COMMD1: variants seen among roughly 807,000 people sequenced by gnomAD.
COMMD1 encodes the protein copper metabolism domain containing 1, also known as COMM domain-containing protein 1.
COMMD1 carries 10 observed loss-of-function variants against 17.2 expected under a neutral mutation model. The ratio of observed to expected loss-of-function variants is 0.58; its 90% CI spans 0.36 to 0.99. The LOEUF is 0.99. Ranked by LOEUF, COMMD1 falls within the 50% of genes least tolerant of loss-of-function variation. The pLI is 0.01. For synonymous variants in COMMD1, 97 were observed against 91.6 expected, an observed-to-expected ratio of 1.06 and a Z score of -0.34; for missense variants, 270 against 231.8, an observed-to-expected ratio of 1.17 and a Z score of -1.07.
At chr2:62,022,367 T>C (rs2103857890) in intron 2 of COMMD1, among the ~76,000 whole-genome samples, 1 of 151,766 alleles carries the variant, frequency 6.6e-6, no homozygotes, top group South Asian at 2.1e-4. Flanking sequence ...CTTTTGAATT[T>C]TGATTATAAA....
At chr2:62,057,102 C>G (rs1429569671) in intron 2 of COMMD1, among the ~76,000 whole-genome samples, 1 of 152,088 alleles carries the variant, frequency 6.6e-6, no homozygotes, top group East Asian at 1.9e-4. Context: ...ATGGGACCAT[C>G]TAGTTGCAGG....
chr2:62,037,990 TAAA>T lies in COMMD1; in HGVS notation c.462+37011_462+37013del, dbSNP rs369562943. On this transcript the variant is annotated intron_variant, in intron 2 of 2. Coordinates refer to ENST00000311832, the MANE Select transcript of COMMD1 (RefSeq NM_152516.4). ...CAGAGTTGTCCTTGGATAGTGGTCTTAAAAACTGGTGAATCAGTCTGGGCATGG... is the reference window on the plus strand; with the variant it reads ...CAGAGTTGTCCTTGGATAGTGGTCTTAACTGGTGAATCAGTCTGGGCATGG... Among the ~76,000 whole-genome samples the T allele has an allele frequency of 1.4e-4, 21 of 152,226 alleles. No homozygotes were observed. The East Asian group carries it at 4.1e-3, about 29-fold the overall frequency.
At chr2:61,890,208 GTTGTTTGT>G (rs148403928) in intron 1 of COMMD1, among the ~76,000 whole-genome samples, 1 of 152,026 alleles carries the variant, frequency 6.6e-6, no homozygotes, top group African/African-American at 2.4e-5. Flanking sequence ...TGGTGGTGGT[GTTGTTTGT>G]TTGTTTGTTT....
intron 2 of COMMD1, among the ~76,000 whole-genome samples, chr2:62,107,426 TCTC>T (rs1328684658): frequency 6.6e-6 from 1 of 152,150 alleles, no homozygotes; most frequent in Admixed American, 6.6e-5. Flanking sequence ...TGGAGGCATA[TCTC>T]CACTTGGTGA....
chr2:61,973,295 A>G (rs1671701251), intron 1 of COMMD1, among the ~76,000 whole-genome samples: 1 of 152,214 alleles, frequency 6.6e-6, no homozygotes, highest in South Asian at 2.1e-4. Flanking sequence ...GCTTTGGTCT[A>G]AAATACATAA....
chr2:61,967,676 A>T (rs1014496078), intron 1 of COMMD1, among the ~76,000 whole-genome samples: 7 of 152,202 alleles, frequency 4.6e-5, no homozygotes, highest in Non-Finnish European at 1.0e-4. Flanking sequence ...ATGGGCTAGT[A>T]CAAATTCTGC....
intron 2 of COMMD1, among the ~76,000 whole-genome samples, chr2:62,127,990 T>G (rs1404171715): frequency 7.3e-6 from 1 of 136,978 alleles, no homozygotes; most frequent in Non-Finnish European, 1.6e-5. Flanking sequence ...CCACTGCACT[T>G]CAGCCTGGGA....
At chr2:61,985,340 G>A (rs1310331776) in intron 1 of COMMD1, among the ~76,000 whole-genome samples, 3 of 152,056 alleles carry the variant, frequency 2.0e-5, no homozygotes, top group Non-Finnish European at 2.9e-5. Context: ...ATGAGCCACC[G>A]CACCCGGCCC....
chr2:61,953,767 C>T (rs918563422), intron 1 of COMMD1, among the ~76,000 whole-genome samples: 2 of 152,186 alleles, frequency 1.3e-5, no homozygotes, highest in African/African-American at 4.8e-5. Flanking sequence ...ACTCTCTATA[C>T]ATACAAACCA....
At chr2:61,913,516 T>C (rs1010581839) in intron 1 of COMMD1, among the ~76,000 whole-genome samples, 3 of 150,982 alleles carry the variant, frequency 2.0e-5, no homozygotes, top group Non-Finnish European at 2.9e-5. Flanking sequence ...AAAAATTAGC[T>C]CTACTAAAAG....
In COMMD1 at chr2:61,905,702, T is replaced by C. The variant is rs1443251702; in HGVS notation, c.24T>C (p.Gly8=). The change falls in exon 1 of 3, where the codon GGT becomes GGC. Residue 8 remains glycine, a synonymous_variant. Coordinates refer to ENST00000311832, the MANE Select transcript of COMMD1 (RefSeq NM_152516.4). ...GCATGGCGGCGGGCGAGCTTGAGGG[T>C]GGCAAACCCCTGAGCGGGCTGCTGA... The part of the protein sequence containing the change: MAAGELE[G]GKPLSGLLNA... The C allele has an allele frequency of 6.3e-7, 1 of 1,582,068 alleles. No homozygotes were observed. Among genetic ancestry groups the C allele is most frequent in the Non-Finnish European group, 8.6e-7 (1 of 1,162,648 alleles).
chr2:61,958,269 C>CTT (rs542798625), intron 1 of COMMD1, among the ~76,000 whole-genome samples: 25 of 141,240 alleles, frequency 1.8e-4, no homozygotes, highest in African/African-American at 6.0e-4. Context: ...TCTTTCTTTC[C>CTT]TTTTTTTTTT....
At position 61,957,467 on chromosome 2, in the gene COMMD1, G is replaced by A. The variant is rs1361639764; in HGVS notation, c.181-43234G>A. 4.0e-5 allele frequency among the ~76,000 whole-genome samples: 6 copies of A among 151,660 alleles called. No homozygotes were observed. The East Asian group carries it at 1.2e-3, about 29-fold the overall frequency. On this transcript the variant is annotated intron_variant, in intron 1 of 2. Coordinates refer to ENST00000311832, the MANE Select transcript of COMMD1 (RefSeq NM_152516.4). ...AGAATTTTCAGTCTTTTTTGTGACT[G>A]TGGTTTTCTGTTTTTTGCCAAAGAT...
At chr2:62,121,104 T>TGTAATTCCTGTAATTA (rs1194172079) in intron 2 of COMMD1, among the ~76,000 whole-genome samples, 5 of 152,018 alleles carry the variant, frequency 3.3e-5, no homozygotes, top group African/African-American at 1.2e-4. Context: ...GCACAGTGGC[T>TGTAATTCCTGTAATTA]CACGCCTGTA....
At chr2:62,054,372 A>C (rs1056948146) in intron 2 of COMMD1, among the ~76,000 whole-genome samples, 4 of 152,232 alleles carry the variant, frequency 2.6e-5, no homozygotes, top group African/African-American at 9.6e-5. Flanking sequence ...AGAAGTCAGC[A>C]TATAAAAAAA....
chr2:62,000,014 C>G (rs1385280718), intron 1 of COMMD1, among the ~76,000 whole-genome samples: 1 of 151,300 alleles, frequency 6.6e-6, no homozygotes, highest in African/African-American at 2.4e-5. Flanking sequence ...CCTCTGCCTC[C>G]CGGGTTCAAG....
At chr2:61,956,364 TG>T (rs1171715828) in intron 1 of COMMD1, among the ~76,000 whole-genome samples, 2 of 152,208 alleles carry the variant, frequency 1.3e-5, no homozygotes, top group Non-Finnish European at 2.9e-5. Context: ...ATAGAATAAT[TG>T]TTCAGATGCA....
intron 2 of COMMD1, among the ~76,000 whole-genome samples, chr2:62,071,963 C>T (rs1370588976): frequency 6.6e-6 from 1 of 151,736 alleles, no homozygotes; most frequent in Admixed American, 6.6e-5. Flanking sequence ...TGTTAAGTCA[C>T]ACCCTCAAAC....
rs114980650 is a variant in COMMD1 at position 61,923,185 on chromosome 2, A to G, written c.180+17327A>G. ...ATGGGATATCTATCAAGATTTTTAA[A>G]TTATTAAATTATAAACCTTCAATAT... On this transcript the variant is annotated intron_variant, in intron 1 of 2. Transcript: ENST00000311832. 6.8e-3 allele frequency among the ~76,000 whole-genome samples: 1,030 copies of G among 152,312 alleles called. 13 individuals are homozygous for G. Among genetic ancestry groups the G allele is most frequent in the African/African-American group, 0.023 (969 of 41,578 alleles).
Sources: gnomAD v4.1 joint callset for allele counts (sites outside exome capture counted in the v4.1 genomes callset) on GRCh38, gnomAD v4.1.1 for gene constraint, MANE v1.5 for transcripts, NCBI Gene and HGNC (gene_info 2026-07-23, HGNC 2026-07-21) for gene names.